The following NAALADL2 variants were observed in gnomAD, a reference collection of about 807,000 sequenced individuals.
The protein encoded by NAALADL2 is inactive N-acetylated-alpha-linked acidic dipeptidase-like protein 2.
Under a neutral mutation model 87.2 loss-of-function variants are expected in NAALADL2, and 76 were observed. The ratio of observed to expected loss-of-function variants is 0.87; its 90% CI spans 0.72 to 1.05. The LOEUF is 1.05. Ranked by LOEUF, NAALADL2 falls within the 50% of genes least tolerant of loss-of-function variation. NAALADL2 has a pLI of 0.00. For missense variants in NAALADL2, 1,089 were observed against 945.8 expected, an observed-to-expected ratio of 1.15 and a Z score of -1.99; for synonymous variants, 354 against 331.0, an observed-to-expected ratio of 1.07 and a Z score of -0.75.
At chr3:175,121,113 T>G (rs187973534) in intron 2 of NAALADL2, among the ~76,000 whole-genome samples, 18 of 151,908 alleles carry the variant, frequency 1.2e-4, no homozygotes, top group Non-Finnish European at 1.5e-5. Context: ...TTTTCTCTGA[T>G]CCTGACTGAA....
intron 9 of NAALADL2, among the ~76,000 whole-genome samples, chr3:175,517,484 T>C (rs748235463): frequency 1.3e-5 from 2 of 152,200 alleles, no homozygotes; most frequent in Non-Finnish European, 2.9e-5. Flanking sequence ...TTGACACATA[T>C]CAATGCATCA....
At chr3:175,181,718 T>TGTGTGTGTGTGTATGC (rs1553802465) in intron 2 of NAALADL2, among the ~76,000 whole-genome samples, 46 of 72,404 alleles carry the variant, frequency 6.4e-4, no homozygotes, top group African/African-American at 1.8e-3. Flanking sequence ...TGTGTGTGTG[T>TGTGTGTGTGTGTATGC]ATATATATGT....
chr3:174,843,686 C>A (rs1356672384), intron 3 of NAALADL2, among the ~76,000 whole-genome samples: 2 of 152,048 alleles, frequency 1.3e-5, no homozygotes, highest in African/African-American at 4.8e-5. Flanking sequence ...TTCTCCATAT[C>A]CTGTCTGACA....
intron 1 of NAALADL2, among the ~76,000 whole-genome samples, chr3:174,536,907 G>C (rs1721774076): frequency 1.3e-5 from 2 of 152,138 alleles, no homozygotes; most frequent in South Asian, 4.1e-4. Context: ...ACAATGGTTT[G>C]TTATTATGCT....
intron 9 of NAALADL2, among the ~76,000 whole-genome samples, chr3:175,541,661 C>CT (rs11439442): frequency 0.073 from 11,087 of 151,826 alleles, 1,023 homozygotes; most frequent in African/African-American, 0.22. Context: ...CACTTGTTTC[C>CT]TTTTTTTTCC....
intron 5 of NAALADL2, among the ~76,000 whole-genome samples, chr3:175,437,957 A>C (rs1394479546): frequency 6.6e-6 from 1 of 152,076 alleles, no homozygotes; most frequent in African/African-American, 2.4e-5. Flanking sequence ...GAGCATAGCA[A>C]GATGTTTTTG....
intron 3 of NAALADL2, among the ~76,000 whole-genome samples, chr3:174,800,651 C>A (rs1217932054): frequency 1.3e-5 from 2 of 152,300 alleles, no homozygotes; most frequent in Admixed American, 1.3e-4. Flanking sequence ...GGGCCACTGT[C>A]TTCCAGACCC....
At chr3:175,758,501 G>A (rs146714217) in intron 13 of NAALADL2, among the ~76,000 whole-genome samples, 132 of 151,910 alleles carry the variant, frequency 8.7e-4, no homozygotes, top group African/African-American at 3.0e-3. Context: ...AAATTGTCAC[G>A]AATTTGTACT....
intron 3 of NAALADL2, among the ~76,000 whole-genome samples, chr3:174,804,061 G>C (rs1011235024): frequency 6.6e-6 from 1 of 152,120 alleles, no homozygotes; most frequent in Non-Finnish European, 1.5e-5. Flanking sequence ...ACCTGGAGTG[G>C]TATGGCCATT....
intron 9 of NAALADL2, among the ~76,000 whole-genome samples, chr3:175,565,462 A>G (rs1439315664): frequency 6.6e-6 from 1 of 152,120 alleles, no homozygotes; most frequent in Non-Finnish European, 1.5e-5. Flanking sequence ...CATGAAATGG[A>G]TGGTGTTTTG....
intron 11 of NAALADL2, among the ~76,000 whole-genome samples, chr3:175,719,169 C>T (rs1441999988): frequency 1.3e-5 from 2 of 151,192 alleles, no homozygotes; most frequent in Admixed American, 6.6e-5. Flanking sequence ...CAGGGAACAT[C>T]GGCAATGTCT....
chr3:175,516,868 T>C (rs1731912892), intron 9 of NAALADL2, among the ~76,000 whole-genome samples: 1 of 152,218 alleles, frequency 6.6e-6, no homozygotes, highest in African/African-American at 2.4e-5. Flanking sequence ...AAGTTGTTTT[T>C]AAGTAATTTT....
At chr3:174,644,349 T>A (rs1723562124) in intron 2 of NAALADL2, among the ~76,000 whole-genome samples, 1 of 152,094 alleles carries the variant, frequency 6.6e-6, no homozygotes, top group Admixed American at 6.6e-5. Context: ...GAATAGAAAA[T>A]ATGGTTATGA....
chr3:174,851,870 T>C (rs1049539131), intron 3 of NAALADL2, among the ~76,000 whole-genome samples: 6 of 152,068 alleles, frequency 3.9e-5, no homozygotes, highest in Non-Finnish European at 5.9e-5. Flanking sequence ...ATTAAAAAGA[T>C]CACTTATCAA....
chr3:174,759,521 A>T (rs1259122019), intron 3 of NAALADL2, among the ~76,000 whole-genome samples: 3 of 152,224 alleles, frequency 2.0e-5, no homozygotes, highest in Non-Finnish European at 4.4e-5. Context: ...AGTATACAAA[A>T]TGTAGAAGCA....
At chr3:175,463,518 T>C in intron 7 of NAALADL2, 25 bp downstream of exon 7, 1 of 1,253,730 alleles carries the variant, frequency 8.0e-7, no homozygotes, top group Non-Finnish European at 1.1e-6. Flanking sequence ...AAATTTATAA[T>C]CTACACTTTA....
chr3:175,743,339 C>T (rs1393365187), intron 12 of NAALADL2, among the ~76,000 whole-genome samples: 1 of 152,086 alleles, frequency 6.6e-6, no homozygotes, highest in Non-Finnish European at 1.5e-5. Flanking sequence ...GGGAGAGGGC[C>T]AGGAGAAGGT....
chr3:175,221,115 C>A (rs1189075885), intron 2 of NAALADL2, among the ~76,000 whole-genome samples: 1 of 150,568 alleles, frequency 6.6e-6, no homozygotes, highest in Non-Finnish European at 1.5e-5. Flanking sequence ...GGGAGAATCA[C>A]TTGAACCCAG....
chr3:174,461,668 T>C (rs2108292808), intron 1 of NAALADL2, among the ~76,000 whole-genome samples: 1 of 152,240 alleles, frequency 6.6e-6, no homozygotes. Flanking sequence ...AATTTAATGT[T>C]GTAGTTATTT....
Sources: allele counts gnomAD v4.1 joint callset (sites outside exome capture counted in the v4.1 genomes callset), GRCh38; gene constraint gnomAD v4.1.1; transcripts MANE v1.5; gene names NCBI Gene and HGNC (gene_info 2026-07-23, HGNC 2026-07-21).